The following KANSL1L variants were observed in gnomAD, a reference collection of about 807,000 sequenced individuals.
The protein encoded by KANSL1L is KAT8 regulatory NSL complex subunit 1-like protein.
In KANSL1L, 25 loss-of-function variants were observed where a neutral mutation model predicts 108.6. The observed-to-expected ratio is 0.23, with a 90% confidence interval of 0.17 to 0.32. The LOEUF (loss-of-function observed/expected upper bound fraction) is 0.32. Among genes scored for constraint, KANSL1L ranks in the 10% least tolerant of loss-of-function variants. The probability of loss-of-function intolerance (pLI) is 1.00; values close to 1 mark genes in which losing one functional copy is unlikely to be tolerated. For missense variants in KANSL1L, 1,137 were observed against 1,125.7 expected (o/e 1.01, Z -0.14); for synonymous variants, 405 against 395.1 (o/e 1.03, Z -0.30).
chr2:210,031,995 TAGC>T (rs1315917924), intron 8 of KANSL1L, among the ~76,000 whole-genome samples: 9 of 152,210 alleles, frequency 5.9e-5, no homozygotes, highest in African/African-American at 1.9e-4. Flanking sequence ...ATAGGGATAA[TAGC>T]AGCGACCTTG....
chr2:210,025,290 C>G, intron 12 of KANSL1L, 74 bp from the exon 13 acceptor site: 1 of 879,296 alleles, frequency 1.1e-6, no homozygotes, highest in South Asian at 1.3e-5. Flanking sequence ...GGCACGGTGG[C>G]TCACGCCTGT....
intron 3 of KANSL1L, among the ~76,000 whole-genome samples, chr2:210,111,092 A>G (rs142469743): frequency 0.014 from 2,087 of 152,248 alleles, 21 homozygotes; most frequent in South Asian, 0.038. Context: ...AGCCTGGCCA[A>G]CAGAGCAAGG....
At chr2:210,149,019 AT>A (rs1354372553) in intron 2 of KANSL1L, among the ~76,000 whole-genome samples, 2 of 152,124 alleles carry the variant, frequency 1.3e-5, no homozygotes, top group African/African-American at 4.8e-5. Context: ...GGTATATTTC[AT>A]TTATTCAGTC....
In KANSL1L at chr2:210,024,010, T is replaced by C. The variant is rs779443543; in HGVS notation, c.2733+23A>G. 6 of 1,472,070 alleles carry C rather than the reference T, an allele frequency of 4.1e-6. No homozygotes were observed. The East Asian group carries it at 1.5e-4, about 36-fold the overall frequency. 91.2% of individuals were successfully genotyped at this position (1,472,070 alleles called of 1,614,324 possible). A position where few individuals can be genotyped will look rare whatever the true frequency, so the allele number is the denominator to read the frequency against. ...AGTTAAAAGTCAAGGAATGGGAAGT[T>C]TAATCATACATATTACACTTACCTT... On this transcript the variant is annotated intron_variant, in intron 14 of 14. Coordinates refer to ENST00000281772, the MANE Select transcript of KANSL1L (RefSeq NM_152519.4).
At chr2:210,066,290 G>A (rs2094466489) in intron 6 of KANSL1L, among the ~76,000 whole-genome samples, 1 of 152,182 alleles carries the variant, frequency 6.6e-6, no homozygotes, top group African/African-American at 2.4e-5. Flanking sequence ...TACTACAACT[G>A]TAGGAGAGAC....
chr2:210,107,818 C>T (rs1273553394), intron 3 of KANSL1L, among the ~76,000 whole-genome samples: 1 of 152,066 alleles, frequency 6.6e-6, no homozygotes, highest in East Asian at 1.9e-4. Flanking sequence ...CAGGCTTGAG[C>T]CACCATGCCT....
intron 2 of KANSL1L, among the ~76,000 whole-genome samples, chr2:210,142,801 T>A (rs1341737686): frequency 6.6e-6 from 1 of 152,144 alleles, no homozygotes; most frequent in East Asian, 1.9e-4. Flanking sequence ...TTCATATGAT[T>A]TTGGCTGGAA....
In KANSL1L at chr2:210,024,129, C is replaced by G; in HGVS notation, c.2637G>C (p.Gln879His). 4 of 1,610,234 alleles carry G rather than the reference C, an allele frequency of 2.5e-6. No homozygotes were observed. Among genetic ancestry groups the G allele is most frequent in the Non-Finnish European group, 3.4e-6 (4 of 1,177,562 alleles). The change falls in exon 14 of 15, where the codon CAG becomes CAC. Residue 879 changes from glutamine (Q) to histidine (H), a missense_variant. By Grantham distance (24) the Gln-to-His change is conservative. Around this residue, in one of 3 missense-constraint regions of KANSL1L, gnomAD observed 575 missense variants for 567.1 expected, o/e 1.01. Coordinates refer to ENST00000281772, the MANE Select transcript of KANSL1L (RefSeq NM_152519.4). Reference sequence around the variant, plus strand: ...CAGGAGGACTTGCAGCAGCACATTGCTGACTGCTACTGAAGTTATTAGGGT... The same window carrying G: ...CAGGAGGACTTGCAGCAGCACATTGGTGACTGCTACTGAAGTTATTAGGGT... ...KEYPNNFSSSQQCAAASPPGL... is the reference protein window; with the variant it reads ...KEYPNNFSSSHQCAAASPPGL...
intron 2 of KANSL1L, among the ~76,000 whole-genome samples, chr2:210,144,323 T>C (rs1345331537): frequency 6.6e-6 from 1 of 152,302 alleles, no homozygotes; most frequent in Non-Finnish European, 1.5e-5. Context: ...CTGGAGAACT[T>C]TGACTCTCCT....
intron 7 of KANSL1L, 66 bp downstream of exon 7, chr2:210,043,873 T>C (rs1347971295): frequency 9.3e-7 from 1 of 1,072,168 alleles, no homozygotes; most frequent in Non-Finnish European, 1.3e-6. Flanking sequence ...AGATTCTCTG[T>C]ATTTAGAGGA....
chr2:210,055,241 G>A (rs549061931), intron 6 of KANSL1L, among the ~76,000 whole-genome samples: 2 of 152,218 alleles, frequency 1.3e-5, no homozygotes, highest in Non-Finnish European at 2.9e-5. Flanking sequence ...TTCCATGATT[G>A]TAAGTTTCCT....
intron 5 of KANSL1L, among the ~76,000 whole-genome samples, chr2:210,079,564 C>T (rs2094566256): frequency 7.4e-6 from 1 of 135,924 alleles, no homozygotes; most frequent in Non-Finnish European, 1.5e-5. Flanking sequence ...CCCCTGTAGC[C>T]TGGGCAACAG....
At chr2:210,135,800 T>C (rs34334556) in intron 2 of KANSL1L, among the ~76,000 whole-genome samples, 9,910 of 152,210 alleles carry the variant, frequency 0.065, 381 homozygotes, top group Middle Eastern at 0.13. Flanking sequence ...AAATAACATA[T>C]TCCTCCCTCG....
At chr2:210,140,203 A>G (rs1356163346) in intron 2 of KANSL1L, among the ~76,000 whole-genome samples, 3 of 151,888 alleles carry the variant, frequency 2.0e-5, no homozygotes, top group Non-Finnish European at 2.9e-5. Context: ...TCATTTGTCT[A>G]TTTTTGCTTT....
At chr2:210,030,127 A>T (rs564160406) in intron 9 of KANSL1L, among the ~76,000 whole-genome samples, 2 of 152,160 alleles carry the variant, frequency 1.3e-5, no homozygotes, top group South Asian at 4.1e-4. Flanking sequence ...GGGCTTTGGC[A>T]GTTTTTATCG....
chr2:210,037,215 G>A (rs954544607), intron 8 of KANSL1L, among the ~76,000 whole-genome samples: 2 of 151,806 alleles, frequency 1.3e-5, no homozygotes, highest in Non-Finnish European at 1.5e-5. Context: ...TTAATTAAAT[G>A]CATACTTATA....
At chr2:210,070,224 CT>C (rs71043971) in intron 6 of KANSL1L, among the ~76,000 whole-genome samples, 65 of 77,558 alleles carry the variant, frequency 8.4e-4, no homozygotes, top group African/African-American at 3.3e-3. Context: ...TTTCTCCGTT[CT>C]TTTTTTTTTT....
chr2:210,132,283 T>C (rs928542167), intron 2 of KANSL1L, among the ~76,000 whole-genome samples: 3 of 152,130 alleles, frequency 2.0e-5, no homozygotes, highest in African/African-American at 7.2e-5. Context: ...AAATAGCATA[T>C]AACTAATGCA....
At chr2:210,097,579 A>G (rs1430416310) in intron 5 of KANSL1L, among the ~76,000 whole-genome samples, 1 of 152,174 alleles carries the variant, frequency 6.6e-6, no homozygotes, top group African/African-American at 2.4e-5. Context: ...GCTAATATAG[A>G]TAAATTGTTA....
Sources: gnomAD v4.1 joint callset for allele counts (sites outside exome capture counted in the v4.1 genomes callset) on GRCh38, gnomAD v4.1.1 for gene constraint, gnomAD v4.1.1 regional missense constraint, MANE v1.5 for transcripts, NCBI Gene and HGNC (gene_info 2026-07-23, HGNC 2026-07-21) for gene names.